Variants in SASS6 observed in about 807,000 individuals in gnomAD.
SASS6 encodes spindle assembly abnormal protein 6 homolog.
Under a neutral mutation model 94.9 loss-of-function variants are expected in SASS6, and 59 were observed. The observed-to-expected ratio is 0.62, with a 90% CI of 0.50 to 0.77. The LOEUF is 0.77. Ranked by LOEUF, SASS6 falls within the 30% of genes least tolerant of loss-of-function variation. The pLI is 0.00. For synonymous variants in SASS6, 264 were observed against 270.0 expected (o/e 0.98, Z 0.22); for missense variants, 698 against 734.1 (o/e 0.95, Z 0.57).
chr1:100,099,269 A>G (rs1223552529), intron 14 of SASS6: 1 of 153,288 alleles, frequency 6.5e-6, no homozygotes, highest in Non-Finnish European at 1.5e-5. Context: ...TCTGTACTGG[A>G]TGACACTGAC....
At chr1:100,118,651 C>T (rs1442307143) in intron 7 of SASS6, among the ~76,000 whole-genome samples, 1 of 152,102 alleles carries the variant, frequency 6.6e-6, no homozygotes, top group Admixed American at 6.6e-5. Flanking sequence ...AGAATGGTAT[C>T]ACATTAAGCG....
chr1:100,106,199 AATCTT>A (rs1484768084), intron 12 of SASS6, among the ~76,000 whole-genome samples: 2 of 152,288 alleles, frequency 1.3e-5, no homozygotes, highest in Non-Finnish European at 2.9e-5. Context: ...TAAAATTCAC[AATCTT>A]ATGTATGATA....
At chr1:100,091,826 T>C (rs1651721819) in intron 14 of SASS6, among the ~76,000 whole-genome samples, 1 of 150,092 alleles carries the variant, frequency 6.7e-6, no homozygotes, top group African/African-American at 2.4e-5. Context: ...TTTAGGAAAA[T>C]AAAGATTTAT....
chr1:100,102,002 T>G (rs1179706563), intron 14 of SASS6, among the ~76,000 whole-genome samples: 2 of 152,220 alleles, frequency 1.3e-5, no homozygotes, highest in Non-Finnish European at 2.9e-5. Context: ...TGTCTCATTA[T>G]TTAAGAAAAA....
chr1:100,118,084 C>T (rs1653924255), intron 7 of SASS6, among the ~76,000 whole-genome samples: 1 of 152,094 alleles, frequency 6.6e-6, no homozygotes, highest in Non-Finnish European at 1.5e-5. Context: ...CTTTGGGAGG[C>T]CAAGGCAGAT....
chr1:100,110,123 T>C lies in SASS6; in HGVS notation c.861+169A>G, dbSNP rs72973329. On this transcript the variant is annotated intron_variant, in intron 8 of 16. Transcript: ENST00000287482. ...CTTACCTCAGTTCTGTTATGAATTATGCTTTTTATCAAATTTCAAATTCTC... is the reference window on the plus strand; with the variant it reads ...CTTACCTCAGTTCTGTTATGAATTACGCTTTTTATCAAATTTCAAATTCTC... Among the ~76,000 whole-genome samples, 5,018 of 152,110 alleles carry C rather than the reference T, an allele frequency of 0.033. 300 individuals are homozygous for C. The highest frequency in any genetic ancestry group is 0.11 in the African/African-American group (4,716 of 41,508).
intron 1 of SASS6, among the ~76,000 whole-genome samples, chr1:100,131,194 C>CTT (rs1172504404): frequency 1.4e-5 from 2 of 144,420 alleles, no homozygotes; most frequent in Admixed American, 7.0e-5. Context: ...TTTTCTTTTT[C>CTT]TTTTTTTTTT....
chr1:100,095,405 C>T (rs918419501), intron 14 of SASS6, among the ~76,000 whole-genome samples: 3 of 152,098 alleles, frequency 2.0e-5, no homozygotes, highest in African/African-American at 7.2e-5. Context: ...TGGTGGCATG[C>T]ACTTGTGGTC....
intron 13 of SASS6, among the ~76,000 whole-genome samples, chr1:100,105,101 A>C (rs1207684116): frequency 6.6e-6 from 1 of 152,092 alleles, no homozygotes; most frequent in African/African-American, 2.4e-5. Flanking sequence ...TTTAGGCTTA[A>C]GCCTAAACCC....
chr1:100,128,606 G>A (rs1442392247), intron 1 of SASS6, among the ~76,000 whole-genome samples: 1 of 152,088 alleles, frequency 6.6e-6, no homozygotes, highest in South Asian at 2.1e-4. Context: ...AAAAATACAA[G>A]CTTTCAGAGG....
In SASS6 at chr1:100,120,162, G is replaced by A. The variant is rs10493921; in HGVS notation, c.549+232C>T. On this transcript the variant is annotated intron_variant, in intron 6 of 16. Coordinates refer to ENST00000287482, the MANE Select transcript of SASS6 (RefSeq NM_194292.3). ...ATATCTTATTTAATGAAGACTCGAG[G>A]GAACATGTTATATATTGGGGATACA... Among the ~76,000 whole-genome samples the A allele has an allele frequency of 0.049, 7,385 of 152,142 alleles. 208 individuals carry two copies. The highest frequency in any genetic ancestry group is 0.067 in the African/African-American group (2,787 of 41,512).
chr1:100,128,978 T>G (rs1642016199), intron 1 of SASS6, among the ~76,000 whole-genome samples: 1 of 152,114 alleles, frequency 6.6e-6, no homozygotes, highest in South Asian at 2.1e-4. Context: ...GTGGCTCACA[T>G]CTGTAATCCC....
rs1278117757 is a variant in SASS6 at position 100,085,317 on chromosome 1, T to C, written c.*11A>G. 5 of 1,527,390 alleles carry C rather than the reference T, an allele frequency of 3.3e-6. No homozygotes were observed. Among genetic ancestry groups the C allele is most frequent in the African/African-American group, 1.4e-5 (1 of 73,322 alleles). 94.6% of individuals were successfully genotyped at this position (1,527,390 alleles called of 1,614,324 possible). ...TAAAATACCAATAAAAAGTAAAACATGACACTAGAATTAACTGTTTGGTAA... is the reference window on the plus strand; with the variant it reads ...TAAAATACCAATAAAAAGTAAAACACGACACTAGAATTAACTGTTTGGTAA... On this transcript the variant is annotated 3_prime_UTR_variant, in exon 17 of 17. Coordinates refer to ENST00000287482, the MANE Select transcript of SASS6 (RefSeq NM_194292.3).
intron 1 of SASS6, among the ~76,000 whole-genome samples, chr1:100,129,501 G>A (rs1645867408): frequency 1.3e-5 from 2 of 151,946 alleles, no homozygotes; most frequent in Non-Finnish European, 2.9e-5. Context: ...AAGAACTTAA[G>A]GCCCAAATAA....
chr1:100,117,222 G>A (rs999057160), intron 7 of SASS6, among the ~76,000 whole-genome samples: 2 of 149,708 alleles, frequency 1.3e-5, no homozygotes, highest in African/African-American at 4.9e-5. Context: ...AACCTGGGAG[G>A]CAAAGGTTGC....
intron 2 of SASS6, 27 bp from the exon 3 acceptor site, chr1:100,123,316 T>C (rs764092192): frequency 5.3e-6 from 6 of 1,142,818 alleles, no homozygotes; most frequent in Non-Finnish European, 7.7e-6. Context: ...TGTTTTTAAA[T>C]GTTTTTACTA....
At chr1:100,125,768 G>A (rs1011705886) in intron 2 of SASS6, 114 bp downstream of exon 2, 1 of 678,024 alleles carries the variant, frequency 1.5e-6, no homozygotes, top group South Asian at 1.8e-5. Flanking sequence ...TTGCAAAATA[G>A]CCTAAAATGT....
rs148677150 is a variant in SASS6 at position 100,085,381 on chromosome 1, C to T, written c.1921G>A (p.Ala641Thr). ...TAGGCTGAAGACGCAGAGGGGAGCG[C>T]TGTGGGTTTGGAAGATGTATGTAAT... ...GALHTSSKPT[A>T]LPSASSAYFP... The change falls in exon 17 of 17, where the codon GCG (alanine) becomes ACG (threonine). Residue 641 changes from alanine to threonine, a missense_variant. Ala to Thr is a moderately conservative substitution (Grantham distance 58). Coordinates refer to ENST00000287482, the MANE Select transcript of SASS6 (RefSeq NM_194292.3). The T allele has an allele frequency of 6.9e-5, 112 of 1,613,826 alleles. 1 individual carries two copies. In the East Asian group the frequency reaches 2.3e-3, roughly 34 times the overall value.
At chr1:100,086,988 A>G (rs1333744854) in intron 15 of SASS6, among the ~76,000 whole-genome samples, 1 of 151,116 alleles carries the variant, frequency 6.6e-6, no homozygotes, top group East Asian at 1.9e-4. Flanking sequence ...TATTTTTTCT[A>G]TTTATTTTAT....
Sources: allele counts gnomAD v4.1 joint callset (sites outside exome capture counted in the v4.1 genomes callset), GRCh38; gene constraint gnomAD v4.1.1; transcripts MANE v1.5; gene names NCBI Gene and HGNC (gene_info 2026-07-23, HGNC 2026-07-21).